Variants in PCDHA1 observed in about 807,000 individuals in gnomAD.
The protein encoded by PCDHA1 is protocadherin alpha-1.
A neutral mutation model predicts 61.3 loss-of-function variants in PCDHA1; 42 were observed. That is an observed-to-expected ratio of 0.69 (90% CI 0.54 to 0.89). The LOEUF is 0.89. PCDHA1 is among the 40% of genes least tolerant of loss of function. The pLI, the probability that PCDHA1 is intolerant of heterozygous loss-of-function variation, is 0.00. For synonymous variants in PCDHA1, 610 were observed against 553.8 expected (o/e 1.10, Z -1.43); for missense variants, 1,256 against 1,235.3 (o/e 1.02, Z -0.25).
intron 1 of PCDHA1, among the ~76,000 whole-genome samples, chr5:140,960,911 G>A (rs2095578426): frequency 6.6e-6 from 1 of 152,284 alleles, no homozygotes; most frequent in Non-Finnish European, 1.5e-5. Context: ...TTGAGTTTCA[G>A]ATAGAAAATT....
At chr5:140,871,466 A>T in intron 1 of PCDHA1, 1 of 1,603,050 alleles carries the variant, frequency 6.2e-7, no homozygotes. Flanking sequence ...GGGGAAAGAC[A>T]GGAGCCAGGG....
At chr5:140,871,305 G>C (rs782666863) in intron 1 of PCDHA1, 2 of 1,613,874 alleles carry the variant, frequency 1.2e-6, no homozygotes, top group East Asian at 4.5e-5. Context: ...GCGCGCCGGG[G>C]AAGCCCACGC....
At chr5:140,795,314 T>C in intron 1 of PCDHA1, 1 of 1,614,198 alleles carries the variant, frequency 6.2e-7, no homozygotes, top group Admixed American at 1.7e-5. Context: ...CTGCAGGTTT[T>C]CCATGTGGAA....
intron 1 of PCDHA1, among the ~76,000 whole-genome samples, chr5:140,826,374 T>C (rs1440131639): frequency 6.6e-6 from 1 of 152,198 alleles, no homozygotes; most frequent in Non-Finnish European, 1.5e-5. Context: ...CAATAGAAAG[T>C]CAGTGATAAG....
intron 1 of PCDHA1, chr5:140,802,632 G>A (rs782317211): frequency 6.2e-7 from 1 of 1,613,874 alleles, no homozygotes; most frequent in South Asian, 1.1e-5. Flanking sequence ...CACGGTGTCT[G>A]CGCGGGACGC....
intron 1 of PCDHA1, chr5:140,868,273 C>A (rs1311976993): frequency 6.6e-6 from 1 of 151,892 alleles, no homozygotes; most frequent in Non-Finnish European, 1.5e-5. Flanking sequence ...TTTTTTAAAA[C>A]TACCAAGTTT....
intron 1 of PCDHA1, among the ~76,000 whole-genome samples, chr5:140,906,631 C>A (rs919514401): frequency 6.6e-6 from 1 of 152,238 alleles, no homozygotes; most frequent in East Asian, 1.9e-4. Context: ...TCAGCAAGCA[C>A]CTCAGCAGGT....
At chr5:140,805,438 T>C (rs1763568868) in intron 1 of PCDHA1, 1 of 1,029,722 alleles carries the variant, frequency 9.7e-7, no homozygotes, top group Non-Finnish European at 1.2e-6. Context: ...TTTTGGTTTT[T>C]GTGTGTGTGT....
chr5:140,812,765 A>G (rs1765174507), intron 1 of PCDHA1: 1 of 152,182 alleles, frequency 6.6e-6, no homozygotes, highest in South Asian at 2.1e-4. Context: ...GCCCAGCTTA[A>G]TATTCCTTCT....
At chr5:140,839,340 G>A (rs1354702544) in intron 1 of PCDHA1, among the ~76,000 whole-genome samples, 1 of 150,850 alleles carries the variant, frequency 6.6e-6, no homozygotes, top group Admixed American at 6.6e-5. Context: ...AAGTTGATAG[G>A]GGATCCTCCT....
intron 1 of PCDHA1, among the ~76,000 whole-genome samples, chr5:140,941,795 T>G (rs1175900170): frequency 5.9e-5 from 9 of 152,226 alleles, no homozygotes; most frequent in Admixed American, 2.6e-4. Flanking sequence ...CCAAGAATAT[T>G]TAGTTGATTT....
In PCDHA1 at chr5:140,787,729, G is replaced by C; in HGVS notation, c.1439G>C (p.Arg480Pro). Residue 480 changes from arginine to proline, a missense_variant, in exon 1 of 4, where the codon CGG becomes CCG. Physicochemically the swap from Arg to Pro is moderately radical, Grantham distance 103. Transcript: ENST00000504120. ...PGCHIFTVSA[R>P]DADAQENALV... is the part of the protein sequence containing the mutation. The stretch of plus-strand genomic sequence containing the variant: ...TGCCACATCTTCACGGTGTCTGCGC[G>C]GGACGCGGACGCGCAGGAGAACGCG... 1 of 1,613,686 alleles carries C rather than the reference G, an allele frequency of 6.2e-7. No individual in the cohort carries two copies.
At chr5:140,884,206 C>T (rs1554181328) in intron 1 of PCDHA1, 1 of 1,613,542 alleles carries the variant, frequency 6.2e-7, no homozygotes, top group Admixed American at 1.7e-5. Context: ...CGCACCACCG[C>T]CTTCTGGTGC....
intron 1 of PCDHA1, among the ~76,000 whole-genome samples, chr5:140,977,004 A>C (rs1554238156): frequency 6.6e-6 from 1 of 152,222 alleles, no homozygotes; most frequent in East Asian, 1.9e-4. Flanking sequence ...GAAATCTTGT[A>C]ACTGTGATTC....
chr5:141,003,074 G>A (rs941146075), intron 3 of PCDHA1, among the ~76,000 whole-genome samples: 2 of 152,224 alleles, frequency 1.3e-5, no homozygotes, highest in Non-Finnish European at 2.9e-5. Flanking sequence ...GCAGATGAGG[G>A]TGAGTTTAAC....
intron 3 of PCDHA1, among the ~76,000 whole-genome samples, chr5:140,992,421 A>C (rs1412648457): frequency 6.6e-6 from 1 of 152,164 alleles, no homozygotes; most frequent in African/African-American, 2.4e-5. Flanking sequence ...CAGGTCTAAG[A>C]ATATTGTTCC....
chr5:140,817,026 G>T (rs915674773), intron 1 of PCDHA1: 2 of 152,170 alleles, frequency 1.3e-5, no homozygotes, highest in Non-Finnish European at 2.9e-5. Context: ...TCATGAGAGA[G>T]AGAGTGCTGA....
At chr5:140,976,080 A>G (rs1487401919) in intron 1 of PCDHA1, among the ~76,000 whole-genome samples, 1 of 152,226 alleles carries the variant, frequency 6.6e-6, no homozygotes, top group African/African-American at 2.4e-5. Flanking sequence ...TGTGTCAGAT[A>G]TATCAGTAGT....
In PCDHA1 at chr5:140,801,481, T is replaced by A. The variant is rs782568249; in HGVS notation, c.2394+12797T>A. ...AATTCTCGGATAGACCGCGAGGAAC[T>A]GTGCGGGCGGAGCGCGGAGTGCAGC... On this transcript the variant is annotated intron_variant, in intron 1 of 3. Transcript: ENST00000504120. 6 of 1,614,126 alleles carry A rather than the reference T, an allele frequency of 3.7e-6. No homozygotes were observed. In the Admixed American group the frequency reaches 5.0e-5, roughly 13 times the overall value.
Sources: gnomAD v4.1 joint callset for allele counts (sites outside exome capture counted in the v4.1 genomes callset) on GRCh38, gnomAD v4.1.1 for gene constraint, MANE v1.5 for transcripts, NCBI Gene and HGNC (gene_info 2026-07-23, HGNC 2026-07-21) for gene names.